The following LHFPL6 variants were observed in gnomAD, a reference collection of about 807,000 sequenced individuals.
LHFPL6 encodes LHFPL tetraspan subfamily member 6 protein.
Under a neutral mutation model 20.6 loss-of-function variants are expected in LHFPL6, and 9 were observed. The observed-to-expected ratio is 0.44, with a 90% CI of 0.26 to 0.76. LHFPL6 has a LOEUF of 0.76. LHFPL6 is among the 30% of genes least tolerant of loss of function. LHFPL6 has a pLI of 0.20. For synonymous variants in LHFPL6, 105 were observed against 98.7 expected, an observed-to-expected ratio of 1.06 and a Z score of -0.38; for missense variants, 218 against 253.5, an observed-to-expected ratio of 0.86 and a Z score of 0.95.
Position 39,399,279 on chromosome 13 carries a change from C to A in LHFPL6, c.386-20753G>T, listed in dbSNP as rs148117633. Among the ~76,000 whole-genome samples the A allele has an allele frequency of 9.3e-3, 1,415 of 152,278 alleles. 10 individuals are homozygous for A. Among genetic ancestry groups the A allele is most frequent in the Non-Finnish European group, 0.013 (918 of 68,024 alleles). Reference sequence around the variant, plus strand: ...CTATCTTGTTGAGAAAACACAGACACCACAGTCTAAAGTGGTTTTACATAT... The same window carrying A: ...CTATCTTGTTGAGAAAACACAGACAACACAGTCTAAAGTGGTTTTACATAT... On this transcript the variant is annotated intron_variant, in intron 2 of 3. Transcript: ENST00000379589.
chr13:39,531,898 C>T (rs1369836014), intron 2 of LHFPL6, among the ~76,000 whole-genome samples: 1 of 152,074 alleles, frequency 6.6e-6, no homozygotes, highest in African/African-American at 2.4e-5. Flanking sequence ...AAAAGCATTT[C>T]AGGGTGTCAA....
intron 2 of LHFPL6, among the ~76,000 whole-genome samples, chr13:39,576,787 T>C (rs935777053): frequency 6.8e-6 from 1 of 147,862 alleles, no homozygotes; most frequent in African/African-American, 2.5e-5. Flanking sequence ...GCATGCACCA[T>C]CATGCCCAGC....
chr13:39,441,446 C>T (rs975232548), intron 2 of LHFPL6, among the ~76,000 whole-genome samples: 2 of 151,920 alleles, frequency 1.3e-5, no homozygotes, highest in South Asian at 2.1e-4. Context: ...AAAAGTCTAC[C>T]GCCTTCCTGA....
chr13:39,418,164 A>T (rs900419660), intron 2 of LHFPL6, among the ~76,000 whole-genome samples: 4 of 152,194 alleles, frequency 2.6e-5, no homozygotes, highest in African/African-American at 9.7e-5. Context: ...GTCCTGGTCA[A>T]TCTTACTTAC....
chr13:39,375,636 G>A (rs1256740292), intron 3 of LHFPL6, among the ~76,000 whole-genome samples: 2 of 144,254 alleles, frequency 1.4e-5, no homozygotes, highest in African/African-American at 5.9e-5. Flanking sequence ...GTTGCAGTGA[G>A]CTGAAATCTC....
chr13:39,517,148 T>TGG (rs1869951220), intron 2 of LHFPL6, among the ~76,000 whole-genome samples: 4 of 152,164 alleles, frequency 2.6e-5, no homozygotes. Flanking sequence ...AAAAATACTG[T>TGG]GGACCGTAGG....
At chr13:39,485,771 A>G (rs1350508652) in intron 2 of LHFPL6, among the ~76,000 whole-genome samples, 2 of 152,210 alleles carry the variant, frequency 1.3e-5, no homozygotes, top group African/African-American at 4.8e-5. Context: ...AATTGTAGTG[A>G]AAGAAATTTA....
chr13:39,562,135 C>T (rs1449911061), intron 2 of LHFPL6, among the ~76,000 whole-genome samples: 1 of 152,102 alleles, frequency 6.6e-6, no homozygotes, highest in Admixed American at 6.5e-5. Flanking sequence ...TTAGCAGCCA[C>T]TCTGCTTTCA....
At position 39,378,530 on chromosome 13, in the gene LHFPL6, C is replaced by A. The variant is rs187660812; in HGVS notation, c.386-4G>T. Reference sequence around the variant, plus strand: ...CAGCCAGCACCAATCAACAAGCCTGCAAAGAGATAAGACAAGAGGGCTTTA... The same window carrying A: ...CAGCCAGCACCAATCAACAAGCCTGAAAAGAGATAAGACAAGAGGGCTTTA... On this transcript the variant is annotated splice_polypyrimidine_tract_variant and splice_region_variant and intron_variant, in intron 2 of 3. Transcript: ENST00000379589. 2 of 1,611,810 alleles carry A rather than the reference C, an allele frequency of 1.2e-6. No homozygotes were observed. Among genetic ancestry groups the A allele is most frequent in the African/African-American group, 2.7e-5 (2 of 74,822 alleles).
chr13:39,577,294 C>A (rs1287298076), intron 2 of LHFPL6, among the ~76,000 whole-genome samples: 1 of 152,144 alleles, frequency 6.6e-6, no homozygotes, highest in Non-Finnish European at 1.5e-5. Context: ...CAGGCTACAC[C>A]CTAAGTGAGA....
chr13:39,442,746 C>A (rs1872173752), intron 2 of LHFPL6, among the ~76,000 whole-genome samples: 1 of 151,896 alleles, frequency 6.6e-6, no homozygotes, highest in African/African-American at 2.4e-5. Flanking sequence ...TGTCTTTGTT[C>A]TCCCTCTTTT....
chr13:39,573,824 A>C (rs1872012825), intron 2 of LHFPL6, among the ~76,000 whole-genome samples: 1 of 152,222 alleles, frequency 6.6e-6, no homozygotes, highest in South Asian at 2.1e-4. Flanking sequence ...GGAAATAATT[A>C]TAAAACATAA....
At position 39,601,386 on chromosome 13, in the gene LHFPL6, G is replaced by A. The variant is rs937836933; in HGVS notation, c.-170C>T. ...TTCCATCCTCTGCACTAAAGATGAT[G>A]GTCCCTGGTAAAACAACAGGAAACA... On this transcript the variant is annotated 5_prime_UTR_variant, in exon 2 of 4. Coordinates refer to ENST00000379589, the MANE Select transcript of LHFPL6 (RefSeq NM_005780.3). 2 of 552,926 alleles carry A rather than the reference G, an allele frequency of 3.6e-6. No homozygotes were observed. 34.3% of individuals were successfully genotyped at this position (552,926 alleles called of 1,614,324 possible).
chr13:39,370,451 C>T (rs1298823116), intron 3 of LHFPL6, among the ~76,000 whole-genome samples: 1 of 152,184 alleles, frequency 6.6e-6, no homozygotes, highest in South Asian at 2.1e-4. Context: ...GGAGGTAGGA[C>T]ATCATTGCTG....
chr13:39,375,640 A>C lies in LHFPL6; in HGVS notation c.484+2788T>G, dbSNP rs1475408580. ...GGGAGGTGGAGGTTGCAGTGAGCTGAAATCTCTCCACTGCACTCCAGCCTA... is the reference window on the plus strand; with the variant it reads ...GGGAGGTGGAGGTTGCAGTGAGCTGCAATCTCTCCACTGCACTCCAGCCTA... On this transcript the variant is annotated intron_variant, in intron 3 of 3. Coordinates refer to ENST00000379589, the MANE Select transcript of LHFPL6 (RefSeq NM_005780.3). Among the ~76,000 whole-genome samples the C allele has an allele frequency of 2.0e-5, 3 of 151,048 alleles. No homozygotes were observed. The East Asian group carries it at 5.8e-4, about 29-fold the overall frequency.
chr13:39,348,782 C>T (rs55962112), intron 3 of LHFPL6, among the ~76,000 whole-genome samples: 1,713 of 152,244 alleles, frequency 0.011, 32 homozygotes, highest in African/African-American at 0.039. Context: ...GCAGAGCTTT[C>T]GGCACCAGCT....
At chr13:39,510,629 A>T (rs111644291) in intron 2 of LHFPL6, among the ~76,000 whole-genome samples, 1 of 151,996 alleles carries the variant, frequency 6.6e-6, no homozygotes, top group South Asian at 2.1e-4. Flanking sequence ...ATCAGAACAC[A>T]TCTTTCTAGA....
chr13:39,593,555 A>C (rs1872677178), intron 2 of LHFPL6, among the ~76,000 whole-genome samples: 1 of 151,990 alleles, frequency 6.6e-6, no homozygotes, highest in Non-Finnish European at 1.5e-5. Context: ...TAATTTATAG[A>C]TTCAATGCCA....
At chr13:39,478,229 T>G (rs1873131241) in intron 2 of LHFPL6, among the ~76,000 whole-genome samples, 1 of 152,116 alleles carries the variant, frequency 6.6e-6, no homozygotes, top group Non-Finnish European at 1.5e-5. Context: ...TAATGGAAGC[T>G]ATGACAAGTG....
Sources: allele counts gnomAD v4.1 joint callset (sites outside exome capture counted in the v4.1 genomes callset), GRCh38; gene constraint gnomAD v4.1.1; transcripts MANE v1.5; gene names NCBI Gene and HGNC (gene_info 2026-07-23, HGNC 2026-07-21).